The following HSD17B6 variants were observed in gnomAD, a reference collection of about 807,000 sequenced individuals.
HSD17B6 encodes 17-beta-hydroxysteroid dehydrogenase type 6.
Under a neutral mutation model 26.4 loss-of-function variants are expected in HSD17B6, and 16 were observed. That is an observed-to-expected ratio of 0.61 (90% confidence interval 0.41 to 0.92). HSD17B6 has a LOEUF of 0.92. Ranked by LOEUF, HSD17B6 falls within the 40% of genes least tolerant of loss-of-function variation. The pLI, the probability that HSD17B6 is intolerant of heterozygous loss-of-function variation, is 0.00. For synonymous variants in HSD17B6, 139 were observed against 153.0 expected (o/e 0.91, Z 0.68); for missense variants, 357 against 386.1 (o/e 0.92, Z 0.63).
intron 1 of HSD17B6, among the ~76,000 whole-genome samples, chr12:56,766,072 CCTT>C (rs1954320343): frequency 6.6e-6 from 1 of 152,112 alleles, no homozygotes; most frequent in Non-Finnish European, 1.5e-5. Flanking sequence ...TCGTGAAATT[CCTT>C]CTCCTGGCTC....
chr12:56,781,774 G>A (rs894238759), intron 2 of HSD17B6, among the ~76,000 whole-genome samples, 200 bp from the exon 3 acceptor site: 1 of 152,206 alleles, frequency 6.6e-6, no homozygotes, highest in South Asian at 2.1e-4. Context: ...CTGCACTCCA[G>A]CCTGGCGATA....
chr12:56,774,413 T>C (rs1954548499), intron 2 of HSD17B6, among the ~76,000 whole-genome samples: 1 of 152,218 alleles, frequency 6.6e-6, no homozygotes. Context: ...AAATGATATG[T>C]AAATAGTAGT....
intron 3 of HSD17B6, among the ~76,000 whole-genome samples, chr12:56,784,427 C>A (rs1341602993): frequency 6.6e-6 from 1 of 152,240 alleles, no homozygotes; most frequent in Non-Finnish European, 1.5e-5. Flanking sequence ...GCAATCCCGG[C>A]ACCTTGGGAG....
intron 2 of HSD17B6, among the ~76,000 whole-genome samples, chr12:56,778,966 C>G (rs1237825580): frequency 6.6e-6 from 1 of 151,884 alleles, no homozygotes; most frequent in East Asian, 1.9e-4. Context: ...TGAGCCACCG[C>G]GCCCGGCCAC....
At chr12:56,785,921 A>G (rs1319746499) in intron 4 of HSD17B6, 2 of 983,762 alleles carry the variant, frequency 2.0e-6, no homozygotes, top group African/African-American at 3.5e-5. Flanking sequence ...GCTTTGTGGG[A>G]GTGGGATTTG....
intron 3 of HSD17B6, among the ~76,000 whole-genome samples, chr12:56,782,660 A>ATTTTTTTTTTTTTTTTTTTT (rs62818963): frequency 2.3e-5 from 3 of 133,108 alleles, no homozygotes; most frequent in Non-Finnish European, 3.2e-5. Flanking sequence ...TGCCCAGCTA[A>ATTTTTTTTTTTTTTTTTTTT]TTTTTTTTTT....
chr12:56,766,063 C>T (rs886122538), intron 1 of HSD17B6, among the ~76,000 whole-genome samples: 3 of 152,104 alleles, frequency 2.0e-5, no homozygotes, highest in Admixed American at 1.3e-4. Context: ...TGATTAACTT[C>T]GTGAAATTCC....
Position 56,769,103 on chromosome 12 carries a change from G to T in HSD17B6, c.-19-4731G>T, listed in dbSNP as rs1954411164. Among the ~76,000 whole-genome samples, 4 of 130,032 alleles carry T rather than the reference G, an allele frequency of 3.1e-5. No individual in the cohort carries two copies. In the South Asian group the frequency reaches 1.0e-3, roughly 33 times the overall value. 85.3% of individuals were successfully genotyped at this position (130,032 alleles called of 152,430 possible). A position where few individuals can be genotyped will look rare whatever the true frequency, so the allele number is the denominator to read the frequency against. On this transcript the variant is annotated intron_variant, in intron 1 of 4. Coordinates refer to ENST00000322165, the MANE Select transcript of HSD17B6 (RefSeq NM_003725.4). ...GAGAGGGCAGTTTCAGCTTTTCAAG[G>T]TTTTTTTTTTTTTTTTTGAGGCAGA...
intron 2 of HSD17B6, among the ~76,000 whole-genome samples, chr12:56,777,972 T>C (rs1249368166): frequency 2.6e-5 from 4 of 152,224 alleles, no homozygotes; most frequent in Non-Finnish European, 5.9e-5. Flanking sequence ...CGTTTATTTC[T>C]ATTGTATTGT....
rs555188613 is a variant in HSD17B6, at chr12:56,787,276, T to C, written c.888T>C (p.Tyr296=). ...AATTTTTCTTCATCCCTCTATCTTA[T>C]TTACCTACATCACTGGCAGACTACA... The part of the protein sequence containing the change: ...DAKFFFIPLS[Y]LPTSLADYIL... The change falls in exon 5 of 5, where the codon TAT becomes TAC. Residue 296 remains tyrosine (Y), a synonymous_variant. Transcript: ENST00000322165. 2 of 1,614,150 alleles carry C rather than the reference T, an allele frequency of 1.2e-6. No homozygotes were observed. Among genetic ancestry groups the C allele is most frequent in the African/African-American group, 1.3e-5 (1 of 75,042 alleles).
chr12:56,763,874 C>G (rs1410664566), intron 1 of HSD17B6, among the ~76,000 whole-genome samples: 1 of 151,608 alleles, frequency 6.6e-6, no homozygotes, highest in African/African-American at 2.4e-5. Context: ...TTGGGACCAG[C>G]CTGGGCAACA....
At chr12:56,785,905 A>T in intron 4 of HSD17B6, 1 of 977,940 alleles carries the variant, frequency 1.0e-6, no homozygotes, top group Non-Finnish European at 1.2e-6. Flanking sequence ...TGTTCAGGTG[A>T]TAGGAGCTTT....
intron 2 of HSD17B6, among the ~76,000 whole-genome samples, chr12:56,774,407 G>T (rs1423101749): frequency 6.6e-6 from 1 of 152,116 alleles, no homozygotes; most frequent in Admixed American, 6.5e-5. Context: ...CTTTGTAAAT[G>T]ATATGTAAAT....
At position 56,773,869 on chromosome 12, in the gene HSD17B6, C is replaced by A; in HGVS notation, c.17C>A (p.Ala6Glu). 1.3e-6 allele frequency: 2 copies of A among 1,570,940 alleles called. No homozygotes were observed. The highest frequency in any genetic ancestry group is 1.2e-5 in the South Asian group (1 of 85,562). The stretch of plus-strand genomic sequence containing the variant: ...ACCCTCACTATGTGGCTCTACCTGG[C>A]GGCCTTCGTGGGCCTGTACTACCTT... MWLYL[A>E]AFVGLYYLLH... The change falls in exon 2 of 5, where the codon GCG becomes GAG. Residue 6 changes from alanine (A) to glutamate (E), a missense_variant. Coordinates refer to ENST00000322165, the MANE Select transcript of HSD17B6 (RefSeq NM_003725.4).
chr12:56,778,003 G>C (rs943878230), intron 2 of HSD17B6, among the ~76,000 whole-genome samples: 1 of 152,160 alleles, frequency 6.6e-6, no homozygotes, highest in Non-Finnish European at 1.5e-5. Flanking sequence ...CCATCTGTTA[G>C]ACTGTGAGCT....
intron 3 of HSD17B6, among the ~76,000 whole-genome samples, chr12:56,784,158 TGGC>T (rs1157716085): frequency 4.7e-4 from 70 of 147,460 alleles, no homozygotes; most frequent in Middle Eastern, 4.0e-3. Context: ...CTAGATGGGA[TGGC>T]GGCTGGGCAG....
intron 4 of HSD17B6, 134 bp from the exon 5 acceptor site, chr12:56,786,991 G>A (rs1954888698): frequency 1.6e-6 from 1 of 643,516 alleles, no homozygotes. Flanking sequence ...GTGGCTAGTG[G>A]CTATCATATT....
chr12:56,776,570 T>G (rs1258601130), intron 2 of HSD17B6, among the ~76,000 whole-genome samples: 3 of 152,100 alleles, frequency 2.0e-5, no homozygotes, highest in Non-Finnish European at 2.9e-5. Context: ...GGCTTCCCAG[T>G]GTTGGGATTA....
intron 1 of HSD17B6, among the ~76,000 whole-genome samples, chr12:56,768,400 G>A (rs1416533346): frequency 6.6e-6 from 1 of 152,024 alleles, no homozygotes; most frequent in East Asian, 1.9e-4. Context: ...TGGCCATATG[G>A]GGAAGAGAGA....
Sources: allele counts gnomAD v4.1 joint callset (sites outside exome capture counted in the v4.1 genomes callset), GRCh38; gene constraint gnomAD v4.1.1; transcripts MANE v1.5; gene names NCBI Gene and HGNC (gene_info 2026-07-23, HGNC 2026-07-21).